The following POLE2 variants were observed in gnomAD, a reference collection of about 807,000 sequenced individuals.
POLE2 encodes the protein DNA polymerase epsilon 2, accessory subunit, also known as DNA polymerase epsilon subunit 2.
In POLE2, 56 loss-of-function variants were observed where a neutral mutation model predicts 79.4. That is an observed-to-expected ratio of 0.71 (90% confidence interval 0.57 to 0.88). POLE2 has a LOEUF of 0.88. POLE2 is among the 40% of genes least tolerant of loss of function. The pLI is 0.00. For missense variants in POLE2, 598 were observed against 638.9 expected (o/e 0.94, Z 0.69); for synonymous variants, 212 against 214.0 (o/e 0.99, Z 0.08).
In POLE2 at chr14:49,669,562, T is replaced by C. The variant is rs1189815068; in HGVS notation, c.454A>G (p.Ile152Val). The C allele has an allele frequency of 1.2e-6, 2 of 1,601,438 alleles. No individual in the cohort carries two copies. The highest frequency in any genetic ancestry group is 3.3e-5 in the Admixed American group (2 of 59,974). Residue 152 changes from isoleucine to valine, a missense_variant, in exon 6 of 19, where the codon ATA becomes GTA. By Grantham distance (29) the Ile-to-Val change is conservative. Transcript: ENST00000216367. ...HRHELFTPPV[I>V]GSHPDESGSK... ...CCGCTTTCATCAGGGTGAGAACCTA[T>C]CACCGGAGGAGTAAATAATTCATGC... is the stretch of plus-strand genomic sequence containing the variant.
At chr14:49,654,390 T>C (rs373350478) in intron 13 of POLE2, 176 bp from the exon 14 acceptor site, 5 of 581,264 alleles carry the variant, frequency 8.6e-6, no homozygotes, top group African/African-American at 5.7e-5. Flanking sequence ...AATGTCATGA[T>C]AGAAAAGTTC....
Position 49,647,131 on chromosome 14 carries a change from C to G in POLE2, c.1565+162G>C, listed in dbSNP as rs1883835580. 8.5e-6 allele frequency: 4 copies of G among 471,778 alleles called. No homozygotes were observed. The South Asian group carries it at 1.6e-4, about 19-fold the overall frequency. 29.2% of individuals were successfully genotyped at this position (471,778 alleles called of 1,614,324 possible). A position where few individuals can be genotyped will look rare whatever the true frequency, so the allele number is the denominator to read the frequency against. On this transcript the variant is annotated intron_variant, in intron 18 of 18. Transcript: ENST00000216367. ...AACGTACCATCATGTACCCACAATTCTGTGTCACACAGCATAACCGTGATA... is the reference window on the plus strand; with the variant it reads ...AACGTACCATCATGTACCCACAATTGTGTGTCACACAGCATAACCGTGATA...
intron 15 of POLE2, among the ~76,000 whole-genome samples, chr14:49,652,799 T>C (rs368897839): frequency 6.6e-6 from 1 of 152,016 alleles, no homozygotes; most frequent in Non-Finnish European, 1.5e-5. Context: ...GTAATAATAA[T>C]AGAAATAAAG....
intron 2 of POLE2, among the ~76,000 whole-genome samples, chr14:49,683,114 A>G (rs1462857015): frequency 6.6e-6 from 1 of 152,080 alleles, no homozygotes; most frequent in African/African-American, 2.4e-5. Context: ...CAGTTAAAAT[A>G]AAAAAGGCCG....
intron 18 of POLE2, among the ~76,000 whole-genome samples, chr14:49,644,995 CTG>C (rs1037790323): frequency 1.3e-5 from 2 of 148,336 alleles, no homozygotes; most frequent in Non-Finnish European, 3.0e-5. Context: ...TGAGCCGAGA[CTG>C]TGCCGCTGCA....
rs765082153 is a variant in POLE2, at chr14:49,674,361, T to C, written c.312A>G (p.Lys104=). The C allele has an allele frequency of 1.2e-6, 2 of 1,604,472 alleles. No individual in the cohort carries two copies. The highest frequency in any genetic ancestry group is 4.5e-5 in the East Asian group (2 of 44,806). ...GATGACATACTTACGGAAGAAATTT[T>C]TTTCTTTCTGAATTGTACACAAAGC... ...IPRFVYNSER[K]KFLPLLMTNH... is the part of the protein sequence containing the mutation. Residue 104 remains lysine, a synonymous_variant, in exon 4 of 19, where the codon AAA becomes AAG. Transcript: ENST00000216367.
intron 5 of POLE2, among the ~76,000 whole-genome samples, chr14:49,672,279 T>C (rs960053375): frequency 6.6e-5 from 10 of 152,312 alleles, no homozygotes; most frequent in African/African-American, 2.4e-4. Context: ...TTGAAAGACT[T>C]CTGTACAAAA....
intron 11 of POLE2, among the ~76,000 whole-genome samples, 160 bp from the exon 12 acceptor site, chr14:49,655,254 C>T (rs1465487715): frequency 6.6e-6 from 1 of 151,908 alleles, no homozygotes; most frequent in Non-Finnish European, 1.5e-5. Flanking sequence ...ATTCATTGAG[C>T]ACTTACTATA....
chr14:49,667,560 T>G (rs1885576385), intron 6 of POLE2, among the ~76,000 whole-genome samples: 1 of 151,868 alleles, frequency 6.6e-6, no homozygotes, highest in African/African-American at 2.4e-5. Flanking sequence ...AACTTTTTTT[T>G]TTTTTTTTGA....
intron 10 of POLE2, among the ~76,000 whole-genome samples, chr14:49,658,233 C>T (rs1884847094): frequency 1.3e-5 from 2 of 152,144 alleles, no homozygotes; most frequent in African/African-American, 2.4e-5. Context: ...CCTGCCACCA[C>T]GCCCGGCTAA....
In POLE2 at chr14:49,655,080, G is replaced by A; in HGVS notation, c.943C>T (p.Pro315Ser). ...RIMFAGYSPA[P>S]PTCFILCGNF... ...CCACACAGAATAAAGCAGGTTGGAG[G>A]TGCTGGTGAATAACCTAAACAATAA... The change falls in exon 12 of 19, where the codon CCT becomes TCT. Residue 315 changes from proline (P) to serine (S), a missense_variant. Pro to Ser is a moderately conservative substitution (Grantham distance 74, BLOSUM62 -1). Transcript: ENST00000216367. 1.9e-6 allele frequency: 3 copies of A among 1,538,762 alleles called. No individual in the cohort carries two copies. The highest frequency in any genetic ancestry group is 2.6e-6 in the Non-Finnish European group (3 of 1,137,444).
chr14:49,685,613 C>CTTTT lies in POLE2; in HGVS notation c.69-1924_69-1921dup, dbSNP rs536967383. 1.3e-4 allele frequency among the ~76,000 whole-genome samples: 20 copies of CTTTT among 151,774 alleles called. No homozygotes were observed. In the East Asian group the frequency reaches 3.7e-3, roughly 28 times the overall value. ...TCCACCTAGTCAGGTCCTGTTCTTT[C>CTTTT]TTTTTTTTCTTTCTTTCTTTTTTGA... On this transcript the variant is annotated intron_variant, in intron 1 of 18. Transcript: ENST00000216367.
At chr14:49,676,325 A>G (rs1886272101) in intron 3 of POLE2, among the ~76,000 whole-genome samples, 1 of 152,244 alleles carries the variant, frequency 6.6e-6, no homozygotes, top group African/African-American at 2.4e-5. Context: ...AAAATGATCA[A>G]AAAAGATTCA....
intron 17 of POLE2, among the ~76,000 whole-genome samples, chr14:49,649,199 T>C (rs1265750592): frequency 7.3e-6 from 1 of 136,522 alleles, no homozygotes; most frequent in South Asian, 2.2e-4. Context: ...CAGGCTGGAG[T>C]GCAGTGGCGC....
rs569827277 is a variant in POLE2, at chr14:49,655,064, A to G, written c.959T>C (p.Ile320Thr). 2 of 1,566,566 alleles carry G rather than the reference A, an allele frequency of 1.3e-6. No individual in the cohort carries two copies. The highest frequency in any genetic ancestry group is 1.8e-5 in the Admixed American group (1 of 55,718). The stretch of plus-strand genomic sequence containing the variant: ...TGCAGATGAAAAATTACCACACAGA[A>G]TAAAGCAGGTTGGAGGTGCTGGTGA... The part of the protein sequence containing the change: ...GYSPAPPTCF[I>T]LCGNFSSAPY... The change falls in exon 12 of 19, where the codon ATT becomes ACT. Residue 320 changes from isoleucine to threonine, a missense_variant. Physicochemically the swap from Ile to Thr is moderately conservative, Grantham distance 89 (BLOSUM62 -1). Transcript: ENST00000216367.
intron 5 of POLE2, among the ~76,000 whole-genome samples, chr14:49,672,603 G>A (rs375881599): frequency 3.2e-4 from 49 of 151,282 alleles, no homozygotes; most frequent in African/African-American, 1.2e-3. Context: ...AGGTTCAAGC[G>A]ATTCTCCTGC....
At chr14:49,646,302 GTT>G (rs1162033821) in intron 18 of POLE2, among the ~76,000 whole-genome samples, 146 of 84,530 alleles carry the variant, frequency 1.7e-3, no homozygotes, top group African/African-American at 7.8e-3. Flanking sequence ...TTTTTTGTTG[GTT>G]TTTTTTTTTT....
At chr14:49,660,943 G>A (rs1000692428) in intron 10 of POLE2, among the ~76,000 whole-genome samples, 7 of 152,036 alleles carry the variant, frequency 4.6e-5, no homozygotes, top group Admixed American at 3.9e-4. Context: ...TTTTTGGGGG[G>A]TAGGGGGACA....
intron 3 of POLE2, chr14:49,678,001 T>TA (rs1250153538): frequency 1.8e-4 from 29 of 158,456 alleles, no homozygotes; most frequent in African/African-American, 4.7e-4. Context: ...TTTATTTATT[T>TA]TATTTTTTTT....
Sources: gnomAD v4.1 joint callset for allele counts (sites outside exome capture counted in the v4.1 genomes callset) on GRCh38, gnomAD v4.1.1 for gene constraint, MANE v1.5 for transcripts, NCBI Gene and HGNC (gene_info 2026-07-23, HGNC 2026-07-21) for gene names.